Variants in XIRP2 observed in about 807,000 individuals in gnomAD.
XIRP2 encodes xin actin-binding repeat-containing protein 2.
A neutral mutation model predicts 277.0 loss-of-function variants in XIRP2; 236 were observed. The ratio of observed to expected loss-of-function variants is 0.85; its 90% CI spans 0.77 to 0.95. The LOEUF is 0.95. XIRP2 is among the 40% of genes least tolerant of loss of function. The pLI is 0.00. For synonymous variants in XIRP2, 1,490 were observed against 1,416.5 expected, an observed-to-expected ratio of 1.05 and a Z score of -1.17; for missense variants, 4,640 against 4,157.5, an observed-to-expected ratio of 1.12 and a Z score of -3.19.
chr2:167,102,558 A>G (rs1449927311), intron 2 of XIRP2, among the ~76,000 whole-genome samples: 1 of 152,194 alleles, frequency 6.6e-6, no homozygotes, highest in Non-Finnish European at 1.5e-5. Context: ...CCTAGATGTA[A>G]TATATAGTGC....
intron 3 of XIRP2, among the ~76,000 whole-genome samples, chr2:167,158,623 T>A (rs2105338312): frequency 6.6e-6 from 1 of 152,336 alleles, no homozygotes; most frequent in African/African-American, 2.4e-5. Context: ...AACATGGTGT[T>A]GCCTCTGGCT....
At chr2:167,075,890 T>G (rs1689555314) in intron 2 of XIRP2, among the ~76,000 whole-genome samples, 1 of 151,864 alleles carries the variant, frequency 6.6e-6, no homozygotes, top group Admixed American at 6.6e-5. Flanking sequence ...TGGCCAGGCT[T>G]GTCTCGAACT....
chr2:167,011,568 A>T (rs1383987935), intron 2 of XIRP2, among the ~76,000 whole-genome samples: 1 of 152,110 alleles, frequency 6.6e-6, no homozygotes, highest in Non-Finnish European at 1.5e-5. Flanking sequence ...CTTTGGTATC[A>T]GGATGATGCT....
chr2:166,995,671 C>T (rs1687202845), intron 2 of XIRP2, among the ~76,000 whole-genome samples: 1 of 152,100 alleles, frequency 6.6e-6, no homozygotes, highest in African/African-American at 2.4e-5. Flanking sequence ...AAAACAATTG[C>T]TATATAACAC....
chr2:167,212,344 T>G (rs1694072075), intron 4 of XIRP2, among the ~76,000 whole-genome samples: 1 of 152,214 alleles, frequency 6.6e-6, no homozygotes. Flanking sequence ...AGACTGGTTA[T>G]TTAGTAAACA....
intron 9 of XIRP2, 37 bp from the exon 10 acceptor site, chr2:167,253,995 T>C (rs1695588871): frequency 6.5e-7 from 1 of 1,536,908 alleles, no homozygotes; most frequent in Admixed American, 2.1e-5. Context: ...TGATTGAAGA[T>C]AACACTACAG....
intron 1 of XIRP2, among the ~76,000 whole-genome samples, chr2:166,900,982 G>C (rs1684373365): frequency 6.6e-6 from 1 of 152,086 alleles, no homozygotes; most frequent in Non-Finnish European, 1.5e-5. Flanking sequence ...TAATATGAAA[G>C]TAGTTGGAGA....
At chr2:167,158,882 A>C (rs937588520) in intron 3 of XIRP2, among the ~76,000 whole-genome samples, 1 of 152,232 alleles carries the variant, frequency 6.6e-6, no homozygotes, top group Non-Finnish European at 1.5e-5. Flanking sequence ...TGGAGATTGG[A>C]GTAATAGACG....
At chr2:167,109,728 T>G (rs112523051) in intron 2 of XIRP2, among the ~76,000 whole-genome samples, 1 of 152,336 alleles carries the variant, frequency 6.6e-6, no homozygotes, top group African/African-American at 2.4e-5. Flanking sequence ...ATATACCTAA[T>G]AATGGGATTG....
At chr2:166,958,912 A>G (rs1263714230) in intron 2 of XIRP2, among the ~76,000 whole-genome samples, 1 of 151,708 alleles carries the variant, frequency 6.6e-6, no homozygotes, top group African/African-American at 2.4e-5. Flanking sequence ...GATTTTCGAG[A>G]ACGTCTATTC....
At chr2:167,185,138 A>G (rs1195153757) in intron 3 of XIRP2, among the ~76,000 whole-genome samples, 1 of 152,174 alleles carries the variant, frequency 6.6e-6, no homozygotes, top group Non-Finnish European at 1.5e-5. Context: ...CATTGTCTTC[A>G]TGACTAAAAT....
intron 2 of XIRP2, among the ~76,000 whole-genome samples, chr2:166,913,320 C>CA (rs1553469505): frequency 1.3e-5 from 2 of 151,276 alleles, no homozygotes; most frequent in Non-Finnish European, 3.0e-5. Flanking sequence ...ACCCCCCCCC[C>CA]CCAGCCTCGC....
rs543966785 is a variant in XIRP2 at position 166,933,342 on chromosome 2, G to A, written c.408+29452G>A. Among the ~76,000 whole-genome samples, 4 of 151,834 alleles carry A rather than the reference G, an allele frequency of 2.6e-5. No individual in the cohort carries two copies. The South Asian group carries it at 8.4e-4, about 32-fold the overall frequency. On this transcript the variant is annotated intron_variant, in intron 2 of 10. Coordinates refer to ENST00000409195, the MANE Select transcript of XIRP2 (RefSeq NM_152381.6). ...TTTATGTTTTTTTAGTAGAGATGGGGTTTTGCCGTGTTAGCCAGGATGATC... is the reference window on the plus strand; with the variant it reads ...TTTATGTTTTTTTAGTAGAGATGGGATTTTGCCGTGTTAGCCAGGATGATC...
intron 5 of XIRP2, among the ~76,000 whole-genome samples, chr2:167,233,028 T>C (rs1464500877): frequency 2.0e-5 from 3 of 151,910 alleles, no homozygotes; most frequent in Non-Finnish European, 4.4e-5. Flanking sequence ...AATTCTATGA[T>C]AGAAAATATA....
At chr2:167,035,565 G>C (rs1282806451) in intron 2 of XIRP2, among the ~76,000 whole-genome samples, 2 of 152,146 alleles carry the variant, frequency 1.3e-5, no homozygotes, top group Admixed American at 1.3e-4. Context: ...GCATTCAAGA[G>C]GTGACTTGGG....
rs201995517 is a variant in XIRP2, at chr2:167,243,601, G to A, written c.2209G>A (p.Glu737Lys). Residue 737 changes from glutamate to lysine, a missense_variant, in exon 9 of 11, where the codon GAA becomes AAA. Physicochemically the swap from Glu to Lys is moderately conservative, Grantham distance 56. Coordinates refer to ENST00000409195, the MANE Select transcript of XIRP2 (RefSeq NM_152381.6). ...GNVKRSIKCFETQPLYVIRDG... is the reference protein window; with the variant it reads ...GNVKRSIKCFKTQPLYVIRDG... The stretch of plus-strand genomic sequence containing the variant: ...TGTTAAAAGAAGTATAAAATGTTTC[G>A]AAACTCAACCATTATATGTTATTAG... The A allele has an allele frequency of 4.0e-4, 648 of 1,613,920 alleles. No homozygotes were observed. The highest frequency in any genetic ancestry group is 4.9e-4 in the Middle Eastern group (3 of 6,062).
chr2:167,228,973 G>T (rs1342261656), intron 5 of XIRP2, among the ~76,000 whole-genome samples: 1 of 152,004 alleles, frequency 6.6e-6, no homozygotes, highest in African/African-American at 2.4e-5. Flanking sequence ...AATAAATTGG[G>T]GTTGCTTTGG....
At chr2:167,177,051 A>G (rs1464001978) in intron 3 of XIRP2, among the ~76,000 whole-genome samples, 1 of 152,132 alleles carries the variant, frequency 6.6e-6, no homozygotes, top group East Asian at 1.9e-4. Context: ...TCTATGGGAG[A>G]CAGTTGGTGG....
chr2:167,053,545 G>A (rs998976054), intron 2 of XIRP2, among the ~76,000 whole-genome samples: 6 of 152,056 alleles, frequency 3.9e-5, no homozygotes, highest in Non-Finnish European at 7.4e-5. Context: ...AAAATGGGAT[G>A]ATGACTTCTC....
Sources: gnomAD v4.1 joint callset for allele counts (sites outside exome capture counted in the v4.1 genomes callset) on GRCh38, gnomAD v4.1.1 for gene constraint, MANE v1.5 for transcripts, NCBI Gene and HGNC (gene_info 2026-07-23, HGNC 2026-07-21) for gene names.